The following DYNC2I1 variants were observed in gnomAD, a reference collection of about 807,000 sequenced individuals.
DYNC2I1 encodes dynein 2 intermediate chain 1.
DYNC2I1 carries 89 observed loss-of-function variants against 133.4 expected under a neutral mutation model. That is an observed-to-expected ratio of 0.67 (90% CI 0.56 to 0.80). The LOEUF (loss-of-function observed/expected upper bound fraction) is 0.80. Ranked by LOEUF, DYNC2I1 falls within the 30% of genes least tolerant of loss-of-function variation. The pLI is 0.00. For synonymous variants in DYNC2I1, 504 were observed against 484.3 expected (o/e 1.04, Z -0.54); for missense variants, 1,291 against 1,314.5 (o/e 0.98, Z 0.28).
chr7:158,915,528 G>T (rs1848046812), intron 14 of DYNC2I1, among the ~76,000 whole-genome samples: 2 of 151,676 alleles, frequency 1.3e-5, no homozygotes, highest in Non-Finnish European at 2.9e-5. Flanking sequence ...AAGGATGATG[G>T]TGAAACCTCG....
chr7:158,877,274 C>G (rs559693952), intron 4 of DYNC2I1, among the ~76,000 whole-genome samples: 167 of 151,784 alleles, frequency 1.1e-3, no homozygotes, highest in African/African-American at 3.5e-3. Flanking sequence ...TGTTGGTGCT[C>G]TCCAGGCACC....
At chr7:158,938,730 T>A (rs1851026590) in intron 23 of DYNC2I1, among the ~76,000 whole-genome samples, 1 of 152,018 alleles carries the variant, frequency 6.6e-6, no homozygotes, top group African/African-American at 2.4e-5. Flanking sequence ...CACTCCAGTC[T>A]GGGTGACAGA....
At chr7:158,871,002 GA>G in intron 2 of DYNC2I1, 139 bp from the exon 3 acceptor site, 1 of 989,648 alleles carries the variant, frequency 1.0e-6, no homozygotes, top group Non-Finnish European at 1.5e-6. Context: ...TCTGGGATTG[GA>G]AACTGGGATT....
rs932634056 is a variant in DYNC2I1, at chr7:158,911,732, G to A, written c.1590+53G>A. ...ATAAAATGCAAGTAAAGTCTAGTAG[G>A]ATAACTTTGTGTCTTCCTGAATAAT... On this transcript the variant is annotated intron_variant, in intron 12 of 24. Coordinates refer to ENST00000407559, the MANE Select transcript of DYNC2I1 (RefSeq NM_018051.5). 22 of 1,549,030 alleles carry A rather than the reference G, an allele frequency of 1.4e-5. No individual in the cohort carries two copies. The East Asian group carries it at 3.2e-4, about 22-fold the overall frequency.
intron 11 of DYNC2I1, among the ~76,000 whole-genome samples, chr7:158,908,321 A>G (rs910697310): frequency 7.2e-5 from 11 of 152,264 alleles, no homozygotes; most frequent in African/African-American, 2.6e-4. Context: ...GTAAATGGTT[A>G]TTTCAGTGAT....
In DYNC2I1 at chr7:158,923,440, C is replaced by A. The variant is rs568767287; in HGVS notation, c.2095-131C>A. 1.1e-5 allele frequency: 13 copies of A among 1,215,814 alleles called. No homozygotes were observed. In the Admixed American group the frequency reaches 2.3e-4, roughly 21 times the overall value. The allele number at this position is 1,215,814 out of a possible 1,614,324, so 75.3% of individuals were successfully genotyped here. ...TTTCTGTGCAGGAGTCTACGTTCTG[C>A]TTACTGGGCCCTGCAGGTGACTCCC... On this transcript the variant is annotated intron_variant, in intron 16 of 24. Transcript: ENST00000407559.
intron 15 of DYNC2I1, among the ~76,000 whole-genome samples, chr7:158,919,969 T>C (rs1848856540): frequency 6.6e-6 from 1 of 151,822 alleles, no homozygotes; most frequent in Non-Finnish European, 1.5e-5. Flanking sequence ...ACGTGAAGTG[T>C]GTGTGTGTAC....
intron 1 of DYNC2I1, among the ~76,000 whole-genome samples, chr7:158,858,610 A>G (rs1003160105): frequency 5.9e-5 from 9 of 152,134 alleles, no homozygotes; most frequent in Non-Finnish European, 1.2e-4. Context: ...TTACCTGTTT[A>G]ATGAAATTCT....
chr7:158,910,376 G>T (rs1236308577), intron 11 of DYNC2I1, among the ~76,000 whole-genome samples: 1 of 150,526 alleles, frequency 6.6e-6, no homozygotes, highest in East Asian at 2.0e-4. Context: ...GGCTGAGGGC[G>T]ATTGGAGGGC....
Position 158,934,539 on chromosome 7 carries a change from C to A in DYNC2I1, c.2768C>A (p.Pro923Gln), listed in dbSNP as rs73167274. ...NVIDFSPFGE[P>Q]IFLAGCSDGS... ...ATTGATTTTTCACCATTTGGAGAAC[C>A]AATATTTTTGGTAAGAAAGTTTGTT... The change falls in exon 23 of 25, where the codon CCA becomes CAA. Residue 923 changes from proline (P) to glutamine (Q), a missense_variant. Physicochemically the swap from Pro to Gln is moderately conservative, Grantham distance 76. Transcript: ENST00000407559. The A allele has an allele frequency of 2.9e-3, 4,524 of 1,551,660 alleles. 14 individuals are homozygous for A. The highest frequency in any genetic ancestry group is 3.3e-3 in the Non-Finnish European group (3,827 of 1,147,246).
upstream of DYNC2I1, among the ~76,000 whole-genome samples, chr7:158,854,576 G>T (rs1396745515): frequency 6.6e-6 from 1 of 152,062 alleles, no homozygotes; most frequent in Non-Finnish European, 1.5e-5. Context: ...AACCACCGTG[G>T]CATGTGTATA....
intron 11 of DYNC2I1, among the ~76,000 whole-genome samples, chr7:158,906,579 C>G (rs1360975385): frequency 6.6e-6 from 1 of 152,122 alleles, no homozygotes; most frequent in African/African-American, 2.4e-5. Context: ...CTGTCTCAGT[C>G]TCTTGAGTAG....
At chr7:158,857,791 CTTTTT>C (rs369240011) in intron 1 of DYNC2I1, among the ~76,000 whole-genome samples, 8,660 of 133,552 alleles carry the variant, frequency 0.065, 355 homozygotes, top group African/African-American at 0.11. Flanking sequence ...TGCACCCGGC[CTTTTT>C]TTTTTTTTTT....
intron 1 of DYNC2I1, chr7:158,869,442 C>T (rs1434779471): frequency 2.5e-5 from 12 of 471,396 alleles, no homozygotes; most frequent in Middle Eastern, 3.2e-4. Flanking sequence ...TTGAGCCCAG[C>T]GGCCGCAGAA....
chr7:158,869,943 C>G, intron 2 of DYNC2I1, 35 bp downstream of exon 2: 2 of 1,592,648 alleles, frequency 1.3e-6, no homozygotes, highest in Non-Finnish European at 8.6e-7. Flanking sequence ...GGGATCTGTG[C>G]AGGACTCGTG....
intron 4 of DYNC2I1, among the ~76,000 whole-genome samples, chr7:158,952,183 C>T (rs1387240877): frequency 1.3e-5 from 2 of 152,170 alleles, no homozygotes; most frequent in African/African-American, 2.4e-5. Context: ...CACGCTGGCA[C>T]CTGTGGGATG....
chr7:158,858,238 C>G (rs1253291011), intron 1 of DYNC2I1, among the ~76,000 whole-genome samples: 1 of 152,168 alleles, frequency 6.6e-6, no homozygotes, highest in Non-Finnish European at 1.5e-5. Flanking sequence ...TACTCTGTAA[C>G]TTACATTGTC....
chr7:158,935,422 G>A (rs1034416927), intron 23 of DYNC2I1, among the ~76,000 whole-genome samples: 2 of 152,206 alleles, frequency 1.3e-5, no homozygotes, highest in African/African-American at 4.8e-5. Context: ...AGAATTATAT[G>A]ACAGTCAAGG....
At chr7:158,938,075 T>A (rs148382430) in intron 23 of DYNC2I1, among the ~76,000 whole-genome samples, 14 of 152,210 alleles carry the variant, frequency 9.2e-5, no homozygotes, top group East Asian at 7.7e-4. Flanking sequence ...ACAGAAAACT[T>A]TCCAAAACTT....
Sources: gnomAD v4.1 joint callset for allele counts (sites outside exome capture counted in the v4.1 genomes callset) on GRCh38, gnomAD v4.1.1 for gene constraint, MANE v1.5 for transcripts, NCBI Gene and HGNC (gene_info 2026-07-23, HGNC 2026-07-21) for gene names.